SMCHD1: variants seen among roughly 807,000 people sequenced by gnomAD.
SMCHD1 encodes the protein structural maintenance of chromosomes flexible hinge domain-containing protein 1.
A neutral mutation model predicts 254.7 loss-of-function variants in SMCHD1; 78 were observed. That is an observed-to-expected ratio of 0.31 (90% CI 0.26 to 0.37). The LOEUF is 0.37. Among genes scored for constraint, SMCHD1 ranks in the 10% least tolerant of loss-of-function variants. The pLI, the probability that SMCHD1 is intolerant of heterozygous loss-of-function variation, is 1.00. For missense variants in SMCHD1, 1,840 were observed against 2,408.1 expected (o/e 0.76, Z 4.94); for synonymous variants, 766 against 794.9 (o/e 0.96, Z 0.61).
At chr18:2,664,931 A>G (rs2073394155) in intron 1 of SMCHD1, among the ~76,000 whole-genome samples, 1 of 152,222 alleles carries the variant, frequency 6.6e-6, no homozygotes, top group Non-Finnish European at 1.5e-5. Flanking sequence ...CAGAGTGACA[A>G]GTTGGTGCCC....
Position 2,705,723 on chromosome 18 carries a change from T to C in SMCHD1, c.1872T>C (p.Phe624=). 6 of 1,604,634 alleles carry C rather than the reference T, an allele frequency of 3.7e-6. No homozygotes were observed. The highest frequency in any genetic ancestry group is 5.1e-6 in the Non-Finnish European group (6 of 1,173,172). ...LVKTIKTLPL[F]YGSIVRFFLY... is the part of the protein sequence containing the mutation. ...AGACAATCAAGACACTTCCCCTCTT[T>C]TATGGAAGCATAGTAAGATTTTTTC... The change falls in exon 14 of 48, where the codon TTT becomes TTC. Residue 624 remains phenylalanine (F), a synonymous_variant. Transcript: ENST00000320876.
chr18:2,676,975 T>G (rs1308158995), intron 5 of SMCHD1, among the ~76,000 whole-genome samples: 1 of 152,214 alleles, frequency 6.6e-6, no homozygotes, highest in African/African-American at 2.4e-5. Context: ...GTTTTTTTCC[T>G]GTTGTCATGT....
chr18:2,718,661 T>C lies in SMCHD1; in HGVS notation c.2458+227T>C, dbSNP rs549220269. ...ACCTCCGCTTCCTGGGTTCAAGTGA[T>C]TTTCCTGCCTCAGCCTCCCGAGTAG... On this transcript the variant is annotated intron_variant, in intron 19 of 47. Coordinates refer to ENST00000320876, the MANE Select transcript of SMCHD1 (RefSeq NM_015295.3). The surrounding 1 kb of genome is among the most constrained non-coding windows in gnomAD (Gnocchi z 4.6). 1.1e-4 allele frequency among the ~76,000 whole-genome samples: 16 copies of C among 152,264 alleles called. No homozygotes were observed. Among genetic ancestry groups the C allele is most frequent in the Non-Finnish European group, 2.1e-4 (14 of 68,020 alleles).
rs1568190634 is a variant in SMCHD1, at chr18:2,706,463, A to C, written c.2056A>C (p.Met686Leu). The C allele has an allele frequency of 6.3e-7, 1 of 1,579,596 alleles. No homozygotes were observed. The highest frequency in any genetic ancestry group is 1.8e-5 in the Admixed American group (1 of 54,920). ...TGTTAAAAAATATGTAGAAGATGAA[A>C]TGGCAAGGTAAGTCACACTTCAAGA... ...KAVKKYVEDEMARLPDRLSVT... is the reference protein window; with the variant it reads ...KAVKKYVEDELARLPDRLSVT... Residue 686 changes from methionine to leucine, a missense_variant, in exon 15 of 48, where the codon ATG becomes CTG. Physicochemically the swap from Met to Leu is conservative, Grantham distance 15. Around this residue, in one of 9 missense-constraint regions of SMCHD1, gnomAD observed 498 missense variants for 743.5 expected, o/e 0.67. Transcript: ENST00000320876.
chr18:2,685,103 T>TA (rs1216210410), intron 5 of SMCHD1, among the ~76,000 whole-genome samples: 3 of 127,820 alleles, frequency 2.3e-5, no homozygotes, highest in African/African-American at 8.4e-5. Context: ...TATTTTTTTC[T>TA]TTTTTTTTTT....
chr18:2,777,071 CA>C (rs2076080529), intron 42 of SMCHD1, among the ~76,000 whole-genome samples: 1 of 145,546 alleles, frequency 6.9e-6, no homozygotes, highest in Non-Finnish European at 1.5e-5. Context: ...CTCCCCCCCC[CA>C]TACCCTAATA....
chr18:2,723,760 A>G (rs899451605), intron 20 of SMCHD1, among the ~76,000 whole-genome samples: 9 of 152,218 alleles, frequency 5.9e-5, no homozygotes, highest in African/African-American at 2.2e-4. Context: ...CTCATCTGCC[A>G]GAGGCAGAGA....
intron 45 of SMCHD1, among the ~76,000 whole-genome samples, chr18:2,787,737 A>C (rs1044049159): frequency 6.6e-6 from 1 of 152,222 alleles, no homozygotes; most frequent in Admixed American, 6.5e-5. Flanking sequence ...ACACTCCCAC[A>C]TACAGACTAA....
intron 41 of SMCHD1, among the ~76,000 whole-genome samples, chr18:2,772,704 C>T (rs915174865): frequency 1.3e-5 from 2 of 152,168 alleles, no homozygotes; most frequent in South Asian, 2.1e-4. Flanking sequence ...GACTGTGGCT[C>T]GCTGCTCCCT....
chr18:2,744,419 ATC>A, intron 29 of SMCHD1, among the ~76,000 whole-genome samples: 1 of 151,956 alleles, frequency 6.6e-6, no homozygotes, highest in Non-Finnish European at 1.5e-5. Context: ...TGTCTGTCAA[ATC>A]TGTTTTTTTT....
intron 47 of SMCHD1, among the ~76,000 whole-genome samples, chr18:2,801,983 TTC>T (rs1232606566): frequency 6.9e-6 from 1 of 144,898 alleles, no homozygotes; most frequent in Non-Finnish European, 1.5e-5. Context: ...TAAAAATTAG[TTC>T]TGTTAAAAAT....
Position 2,724,954 on chromosome 18 carries a change from G to A in SMCHD1, c.2659G>A (p.Gly887Ser). 3.8e-6 allele frequency: 6 copies of A among 1,594,082 alleles called. No homozygotes were observed. Among genetic ancestry groups the A allele is most frequent in the Non-Finnish European group, 5.1e-6 (6 of 1,167,696 alleles). The part of the protein sequence containing the change: ...ITKGPNCVIR[G>S]VTAKGPVNSC... ...CAAAGGACCAAATTGTGTAATTCGA[G>A]GTGTTACAGCCAAGGGCCCTGTAAA... The change falls in exon 21 of 48, where the codon GGT becomes AGT. Residue 887 changes from glycine to serine, a missense_variant. Gly to Ser is a moderately conservative substitution (Grantham distance 56, BLOSUM62 0). Around this residue, in one of 9 missense-constraint regions of SMCHD1, gnomAD observed 881 missense variants for 1,009.5 expected, o/e 0.87. Coordinates refer to ENST00000320876, the MANE Select transcript of SMCHD1 (RefSeq NM_015295.3).
chr18:2,785,512 C>T (rs761085866), intron 45 of SMCHD1, among the ~76,000 whole-genome samples: 3 of 151,606 alleles, frequency 2.0e-5, no homozygotes, highest in African/African-American at 7.3e-5. Context: ...ATTAGCTGGG[C>T]GTGGTGACAC....
rs2076267729 is a variant in SMCHD1, at chr18:2,796,546, A to T, written c.5993+25A>T. 4.8e-6 allele frequency: 7 copies of T among 1,457,030 alleles called. No homozygotes were observed. In the South Asian group the frequency reaches 7.3e-5, roughly 15 times the overall value. The allele number at this position is 1,457,030 out of a possible 1,614,324, so 90.3% of individuals were successfully genotyped here. ...GGTGAGTTTGTTTGACCTGAGAATT[A>T]TGCTTGGTTAGTTTACCAAAGTTCT... is the stretch of plus-strand genomic sequence containing the variant. On this transcript the variant is annotated intron_variant, in intron 47 of 47. Coordinates refer to ENST00000320876, the MANE Select transcript of SMCHD1 (RefSeq NM_015295.3).
Position 2,760,749 on chromosome 18 carries a change from CT to C in SMCHD1, c.4434+17del, listed in dbSNP as rs781729128. 26 of 1,535,560 alleles carry C rather than the reference CT, an allele frequency of 1.7e-5. No individual in the cohort carries two copies. The highest frequency in any genetic ancestry group is 5.2e-5 in the Admixed American group (3 of 57,876). On this transcript the variant is annotated intron_variant, in intron 35 of 47. Transcript: ENST00000320876. The stretch of plus-strand genomic sequence containing the variant: ...TCTCAACAGTGAACAGGTTTGCTTA[CT>C]TTTTTTATATACCACAGTTAGCTTT...
chr18:2,743,726 C>T lies in SMCHD1; in HGVS notation c.3634-35C>T, dbSNP rs59023685. The T allele has an allele frequency of 9.7e-3, 14,678 of 1,509,162 alleles. 1,097 individuals carry two copies. The African/African-American group carries it at 0.17, about 18-fold the overall frequency. 93.5% of individuals were successfully genotyped at this position (1,509,162 alleles called of 1,614,324 possible). A position where few individuals can be genotyped will look rare whatever the true frequency, so the allele number is the denominator to read the frequency against. On this transcript the variant is annotated intron_variant, in intron 28 of 47. Transcript: ENST00000320876. ...TTGTTTTTCTGAACACTAAGTGATA[C>T]CCCCTGTCTTTCTCAATGTACTTTT...
intron 4 of SMCHD1, 79 bp from the exon 5 acceptor site, chr18:2,673,935 AT>A: frequency 1.0e-5 from 14 of 1,403,322 alleles, no homozygotes; most frequent in South Asian, 4.1e-5. Flanking sequence ...CTGTTGAATC[AT>A]TTTTTTCATG....
chr18:2,799,200 AT>A (rs1568414482), intron 47 of SMCHD1, among the ~76,000 whole-genome samples: 1 of 152,206 alleles, frequency 6.6e-6, no homozygotes, highest in African/African-American at 2.4e-5. Flanking sequence ...ATTGAACCCA[AT>A]ATCCAAAATA....
intron 29 of SMCHD1, among the ~76,000 whole-genome samples, chr18:2,747,110 G>T (rs300296): frequency 0.76 from 116,174 of 152,070 alleles, 44,401 homozygotes; most frequent in Admixed American, 0.8. Flanking sequence ...GGTTTCTGTT[G>T]CTGTTGAACA....
Sources: gnomAD v4.1 joint callset for allele counts (sites outside exome capture counted in the v4.1 genomes callset) on GRCh38, gnomAD v4.1.1 for gene constraint, gnomAD v4.1.1 regional missense constraint, Gnocchi (gnomAD v3.1) non-coding constraint, MANE v1.5 for transcripts, NCBI Gene and HGNC (gene_info 2026-07-23, HGNC 2026-07-21) for gene names.